Variants in DUS2 observed in about 807,000 individuals in gnomAD.
DUS2 encodes dihydrouridine synthase 2.
In DUS2, 52 loss-of-function variants were observed where a neutral mutation model predicts 71.3. That is an observed-to-expected ratio of 0.73 (90% CI 0.58 to 0.92). The LOEUF (loss-of-function observed/expected upper bound fraction) is 0.92. DUS2 is among the 40% of genes least tolerant of loss of function. The pLI is 0.00. For synonymous variants in DUS2, 204 were observed against 227.8 expected (o/e 0.90, Z 0.94); for missense variants, 558 against 622.6 (o/e 0.90, Z 1.10).
intron 2 of DUS2, among the ~76,000 whole-genome samples, chr16:68,036,655 G>A (rs1343753777): frequency 6.6e-6 from 1 of 152,154 alleles, no homozygotes; most frequent in Admixed American, 6.6e-5. Flanking sequence ...GGCCAGGCTG[G>A]TCTCGAACTC....
chr16:68,067,808 T>C (rs1295793006), intron 10 of DUS2, among the ~76,000 whole-genome samples: 3 of 151,910 alleles, frequency 2.0e-5, no homozygotes, highest in Non-Finnish European at 4.4e-5. Context: ...TACAGGCACA[T>C]GCCACCACAC....
At chr16:68,042,769 C>T (rs1048933013) in intron 3 of DUS2, among the ~76,000 whole-genome samples, 7 of 152,064 alleles carry the variant, frequency 4.6e-5, no homozygotes, top group Non-Finnish European at 8.8e-5. Flanking sequence ...AGTGCCATGG[C>T]GTGATCTCAG....
intron 2 of DUS2, among the ~76,000 whole-genome samples, chr16:68,032,496 G>A (rs991431408): frequency 1.4e-4 from 21 of 152,212 alleles, no homozygotes; most frequent in African/African-American, 4.3e-4. Flanking sequence ...TGTTTGGAAA[G>A]CATGGGACCA....
At chr16:68,038,559 G>A (rs1394349638) in intron 3 of DUS2, among the ~76,000 whole-genome samples, 4 of 151,494 alleles carry the variant, frequency 2.6e-5, no homozygotes, top group African/African-American at 9.7e-5. Flanking sequence ...GTGAAACCTT[G>A]TCTCTACTAA....
intron 7 of DUS2, among the ~76,000 whole-genome samples, chr16:68,060,444 G>A (rs1485338246): frequency 6.6e-6 from 1 of 151,806 alleles, no homozygotes; most frequent in Non-Finnish European, 1.5e-5. Context: ...CTCCTGAATA[G>A]CTGGGACTAC....
Position 68,079,153 on chromosome 16 carries a change from G to T in DUS2, c.*167G>T. ...AGAGCATGGACCAGGGGCCGCCCAG[G>T]GGTGGATCCTGGCCCCTTTGGTGGA... On this transcript the variant is annotated 3_prime_UTR_variant, in exon 17 of 17. Coordinates refer to ENST00000565263, the MANE Select transcript of DUS2 (RefSeq NM_017803.5). 1 of 569,250 alleles carries T rather than the reference G, an allele frequency of 1.8e-6. No individual in the cohort carries two copies. The highest frequency in any genetic ancestry group is 2.9e-6 in the Non-Finnish European group (1 of 342,408). 35.3% of individuals were successfully genotyped at this position (569,250 alleles called of 1,614,324 possible). A position where few individuals can be genotyped will look rare whatever the true frequency, so the allele number is the denominator to read the frequency against.
At position 68,061,045 on chromosome 16, in the gene DUS2, CT is replaced by C; in HGVS notation, c.370-17del. On this transcript the variant is annotated intron_variant, in intron 7 of 16. Transcript: ENST00000565263. ...TAGTGTCTCCCAGATGTAAGAAGAC[CT>C]TTTGTGTGTTTCTCCTTAGGGAGGA... 1 of 1,613,430 alleles carries C rather than the reference CT, an allele frequency of 6.2e-7. No homozygotes were observed. The highest frequency in any genetic ancestry group is 8.5e-7 in the Non-Finnish European group (1 of 1,179,498).
chr16:68,028,096 G>GT (rs2033382101), intron 2 of DUS2, among the ~76,000 whole-genome samples: 1 of 152,114 alleles, frequency 6.6e-6, no homozygotes. Context: ...CATGTTTTGC[G>GT]TATCATATCT....
chr16:68,031,731 G>A (rs895565753), intron 2 of DUS2, among the ~76,000 whole-genome samples: 4 of 151,868 alleles, frequency 2.6e-5, no homozygotes, highest in Admixed American at 6.6e-5. Flanking sequence ...ATCTCACTCT[G>A]TTGCCCAGGC....
chr16:68,066,413 A>G (rs2034005930), intron 9 of DUS2, 31 bp downstream of exon 9: 15 of 1,609,414 alleles, frequency 9.3e-6, no homozygotes, highest in Non-Finnish European at 1.3e-5. Flanking sequence ...ATGAAGGTCC[A>G]TTCTCTCTGG....
chr16:68,023,848 C>T (rs1210575442), intron 1 of DUS2: 2 of 167,062 alleles, frequency 1.2e-5, no homozygotes, highest in Non-Finnish European at 2.9e-5. Context: ...TCCTTTTAAG[C>T]CAAGGTTCAC....
chr16:68,045,525 C>T (rs944370317), intron 3 of DUS2, among the ~76,000 whole-genome samples: 6 of 151,344 alleles, frequency 4.0e-5, no homozygotes, highest in Admixed American at 1.3e-4. Flanking sequence ...GGAGGAGAAT[C>T]GCTCGAACCC....
At chr16:68,078,694 C>T (rs1384014150) in intron 16 of DUS2, 55 bp from the exon 17 acceptor site, 2 of 1,554,310 alleles carry the variant, frequency 1.3e-6, no homozygotes, top group East Asian at 4.5e-5. Context: ...TGTGTAGAGT[C>T]AGGCCTCATA....
At chr16:68,054,422 T>G in intron 5 of DUS2, 152 bp from the exon 6 acceptor site, 1 of 764,694 alleles carries the variant, frequency 1.3e-6, no homozygotes, top group South Asian at 1.6e-5. Flanking sequence ...AGTGAGCTAG[T>G]CTAGTGGGCT....
In DUS2 at chr16:68,045,332, G is replaced by A. The variant is rs116895556; in HGVS notation, c.127-4173G>A. Among the ~76,000 whole-genome samples the A allele has an allele frequency of 1.9e-4, 29 of 151,962 alleles. 1 individual carries two copies. The East Asian group carries it at 5.3e-3, about 28-fold the overall frequency. On this transcript the variant is annotated intron_variant, in intron 3 of 16. Transcript: ENST00000565263. The stretch of plus-strand genomic sequence containing the variant: ...ATATACAAGATCACATCGGCCCAGC[G>A]TGGTGGCTCACACCTGTAATCCCAG...
chr16:68,048,882 C>T (rs1283122780), intron 3 of DUS2, among the ~76,000 whole-genome samples: 1 of 152,100 alleles, frequency 6.6e-6, no homozygotes, highest in African/African-American at 2.4e-5. Flanking sequence ...TCTCAGTCCT[C>T]CAGCACATAG....
chr16:68,073,959 C>T (rs994829660), intron 12 of DUS2, 75 bp from the exon 13 acceptor site: 26 of 1,587,124 alleles, frequency 1.6e-5, no homozygotes, highest in Admixed American at 6.9e-5. Context: ...TCTTGGAGCT[C>T]CTTTCCCTGC....
At chr16:68,037,026 A>G (rs896307936) in intron 2 of DUS2, among the ~76,000 whole-genome samples, 1 of 151,852 alleles carries the variant, frequency 6.6e-6, no homozygotes, top group Non-Finnish European at 1.5e-5. Context: ...AACATACTAT[A>G]TAGTTTACTT....
intron 2 of DUS2, among the ~76,000 whole-genome samples, chr16:68,034,810 A>G (rs1365870733): frequency 6.6e-6 from 1 of 152,036 alleles, no homozygotes; most frequent in Non-Finnish European, 1.5e-5. Flanking sequence ...AGCCTGGCCA[A>G]TATGGCAAAG....
Sources: gnomAD v4.1 joint callset for allele counts (sites outside exome capture counted in the v4.1 genomes callset) on GRCh38, gnomAD v4.1.1 for gene constraint, MANE v1.5 for transcripts, NCBI Gene and HGNC (gene_info 2026-07-23, HGNC 2026-07-21) for gene names.